The following ITPK1 variants were observed in gnomAD, a reference collection of about 807,000 sequenced individuals.
ITPK1 encodes the protein inositol 1,3,4-trisphosphate 5/6-kinase.
In ITPK1, 21 loss-of-function variants were observed where a neutral mutation model predicts 45.3. The observed-to-expected ratio is 0.46, with a 90% CI of 0.33 to 0.67. The LOEUF (loss-of-function observed/expected upper bound fraction) is 0.67. ITPK1 is among the 30% of genes least tolerant of loss of function. ITPK1 has a pLI of 0.02. For synonymous variants in ITPK1, 258 were observed against 253.6 expected (o/e 1.02, Z -0.16); for missense variants, 474 against 573.5 (o/e 0.83, Z 1.77).
At chr14:93,074,756 G>C (rs1368906100) in intron 3 of ITPK1, among the ~76,000 whole-genome samples, 1 of 152,066 alleles carries the variant, frequency 6.6e-6, no homozygotes, top group African/African-American at 2.4e-5. Context: ...CATCATAGAG[G>C]GCTAAAAGGG....
intron 2 of ITPK1, among the ~76,000 whole-genome samples, chr14:93,087,638 T>C (rs1251570643): frequency 1.3e-5 from 2 of 152,076 alleles, no homozygotes; most frequent in African/African-American, 4.8e-5. Context: ...TGGTGGGGAG[T>C]GGCAGGGGCC....
intron 5 of ITPK1, among the ~76,000 whole-genome samples, chr14:92,985,165 C>T (rs1827425094): frequency 6.6e-6 from 1 of 152,128 alleles, no homozygotes; most frequent in African/African-American, 2.4e-5. Context: ...ACAAAATAAA[C>T]AGTCAAGGTT....
chr14:93,082,565 A>G (rs921019414), intron 2 of ITPK1, among the ~76,000 whole-genome samples: 2 of 152,194 alleles, frequency 1.3e-5, no homozygotes, highest in African/African-American at 4.8e-5. Context: ...CATGCCAGGG[A>G]TGGGGGTCTT....
At chr14:92,946,021 A>G (rs1887666649) in intron 10 of ITPK1, among the ~76,000 whole-genome samples, 1 of 152,124 alleles carries the variant, frequency 6.6e-6, no homozygotes, top group South Asian at 2.1e-4. Context: ...TGCTCCTTAA[A>G]TCGAGGAGGG....
At chr14:93,020,571 C>T (rs1888414694) in intron 3 of ITPK1, among the ~76,000 whole-genome samples, 1 of 152,212 alleles carries the variant, frequency 6.6e-6, no homozygotes, top group Non-Finnish European at 1.5e-5. Context: ...CCTTGTGTTG[C>T]CCACAGCCCC....
At chr14:93,109,936 C>T (rs1892677639) in intron 2 of ITPK1, among the ~76,000 whole-genome samples, 2 of 152,220 alleles carry the variant, frequency 1.3e-5, no homozygotes, top group Admixed American at 1.3e-4. Context: ...CCCACTCACT[C>T]ACTCCACAGG....
intron 8 of ITPK1, among the ~76,000 whole-genome samples, chr14:92,953,177 G>A (rs1314405753): frequency 6.6e-6 from 1 of 152,260 alleles, no homozygotes; most frequent in Non-Finnish European, 1.5e-5. Flanking sequence ...GGACTTCACA[G>A]CGCCGCAACA....
intron 4 of ITPK1, among the ~76,000 whole-genome samples, chr14:92,995,060 A>T (rs1886980881): frequency 6.6e-6 from 1 of 152,176 alleles, no homozygotes; most frequent in African/African-American, 2.4e-5. Context: ...GGTGCCCACC[A>T]CCACCACCAC....
chr14:93,085,510 C>A (rs1891614264), intron 2 of ITPK1, among the ~76,000 whole-genome samples: 1 of 152,260 alleles, frequency 6.6e-6, no homozygotes, highest in Admixed American at 6.5e-5. Context: ...TGAACAGGCA[C>A]AAGAGAGAGA....
intron 5 of ITPK1, among the ~76,000 whole-genome samples, chr14:92,967,215 A>G (rs531360880): frequency 1.1e-4 from 16 of 152,360 alleles, no homozygotes; most frequent in African/African-American, 3.4e-4. Context: ...AATATATAAA[A>G]CACTATCAAC....
chr14:93,062,182 A>G (rs1451491105), intron 3 of ITPK1, among the ~76,000 whole-genome samples: 1 of 152,164 alleles, frequency 6.6e-6, no homozygotes, highest in African/African-American at 2.4e-5. Flanking sequence ...GAGACAGGAA[A>G]ATCGCTTGAA....
Position 93,076,739 on chromosome 14 carries a change from G to T in ITPK1, c.96-120C>A. On this transcript the variant is annotated intron_variant, in intron 2 of 10. Coordinates refer to ENST00000267615, the MANE Select transcript of ITPK1 (RefSeq NM_014216.6). The surrounding 1 kb of genome is among the most constrained non-coding windows in gnomAD (Gnocchi z 4.3). Reference sequence around the variant, plus strand: ...AGAGGGTTTCAGGAGGGAGCCGGCAGCTGCGCCTCTCCTGCTACTGTCCCA... The same window carrying T: ...AGAGGGTTTCAGGAGGGAGCCGGCATCTGCGCCTCTCCTGCTACTGTCCCA... 2 of 1,146,150 alleles carry T rather than the reference G, an allele frequency of 1.7e-6. No homozygotes were observed. Among genetic ancestry groups the T allele is most frequent in the Non-Finnish European group, 2.6e-6 (2 of 765,548 alleles). The allele number at this position is 1,146,150 out of a possible 1,614,324, so 71.0% of individuals were successfully genotyped here.
chr14:92,995,743 G>A (rs1004066443), intron 4 of ITPK1, among the ~76,000 whole-genome samples: 1 of 152,254 alleles, frequency 6.6e-6, no homozygotes, highest in East Asian at 1.9e-4. Flanking sequence ...CCCACTGCCT[G>A]TAGACAGTGA....
intron 3 of ITPK1, among the ~76,000 whole-genome samples, chr14:93,050,462 T>C (rs553110574): frequency 6.6e-6 from 1 of 152,162 alleles, no homozygotes; most frequent in African/African-American, 2.4e-5. Flanking sequence ...CCCCCAAGTG[T>C]CAACTTCTGT....
intron 2 of ITPK1, among the ~76,000 whole-genome samples, chr14:93,077,709 C>T (rs561291774): frequency 3.9e-4 from 59 of 152,254 alleles, no homozygotes; most frequent in Admixed American, 3.5e-3. Flanking sequence ...GCCCTGGTGC[C>T]CACCTCCCAC....
chr14:92,988,175 C>T (rs1886589725), intron 5 of ITPK1, among the ~76,000 whole-genome samples: 1 of 152,238 alleles, frequency 6.6e-6, no homozygotes, highest in Non-Finnish European at 1.5e-5. Context: ...ACCTCCCTGG[C>T]ACCCTGTCCT....
intron 9 of ITPK1, among the ~76,000 whole-genome samples, chr14:92,947,116 C>T (rs1595076000): frequency 6.6e-6 from 1 of 152,228 alleles, no homozygotes; most frequent in African/African-American, 2.4e-5. Context: ...ACTTGCCTGC[C>T]ATCACAGAGA....
At chr14:92,991,149 AC>A (rs1193930936) in intron 5 of ITPK1, among the ~76,000 whole-genome samples, 1 of 152,196 alleles carries the variant, frequency 6.6e-6, no homozygotes, top group Non-Finnish European at 1.5e-5. Context: ...CATTTACAGT[AC>A]GCCTGAAAGG....
chr14:92,981,162 C>T (rs1346359044), intron 5 of ITPK1, among the ~76,000 whole-genome samples: 1 of 152,154 alleles, frequency 6.6e-6, no homozygotes, highest in Admixed American at 6.5e-5. Flanking sequence ...TAATGCCTGC[C>T]CTGATGCCTG....
Sources: gnomAD v4.1 joint callset for allele counts (sites outside exome capture counted in the v4.1 genomes callset) on GRCh38, gnomAD v4.1.1 for gene constraint, Gnocchi (gnomAD v3.1) non-coding constraint, MANE v1.5 for transcripts, NCBI Gene and HGNC (gene_info 2026-07-23, HGNC 2026-07-21) for gene names.